The following MIGA2 variants were observed in gnomAD, a reference collection of about 807,000 sequenced individuals.
MIGA2 encodes mitoguardin 2, also known as family with sequence similarity 73, member B.
Under a neutral mutation model 69.9 loss-of-function variants are expected in MIGA2, and 36 were observed. The ratio of observed to expected loss-of-function variants is 0.52; its 90% CI spans 0.39 to 0.68. The LOEUF is 0.68. Among genes scored for constraint, MIGA2 ranks in the 30% least tolerant of loss-of-function variants. The probability of loss-of-function intolerance (pLI) is 0.00; values close to 1 mark genes in which losing one functional copy is unlikely to be tolerated. For synonymous variants in MIGA2, 333 were observed against 349.2 expected, an observed-to-expected ratio of 0.95 and a Z score of 0.52; for missense variants, 660 against 787.7, an observed-to-expected ratio of 0.84 and a Z score of 1.94.
chr9:129,047,171 C>T (rs1391752506), intron 3 of MIGA2: 1 of 151,502 alleles, frequency 6.6e-6, no homozygotes, highest in Non-Finnish European at 1.5e-5. Flanking sequence ...CCTCTGCCTC[C>T]CGGGTTCAAG....
Position 129,060,568 on chromosome 9 carries a change from C to A in MIGA2, c.812C>A (p.Pro271His). 6.2e-7 allele frequency: 1 copy of A among 1,601,792 alleles called. No homozygotes were observed. The highest frequency in any genetic ancestry group is 1.1e-5 in the South Asian group (1 of 88,872). The change falls in exon 8 of 16, where the codon CCC becomes CAC. Residue 271 changes from proline to histidine, a missense_variant. Pro to His is a moderately conservative substitution (Grantham distance 77, BLOSUM62 -2). Around this residue, in one of 3 missense-constraint regions of MIGA2, gnomAD observed 386 missense variants for 402.0 expected, o/e 0.96. Transcript: ENST00000684074. The surrounding 1 kb of genome is among the most constrained non-coding windows in gnomAD (Gnocchi z 4.8). ...LLDLERTLML[P>H]LTEGSLRLRA... ...TTCCCAGAGAGGACCCTCATGCTGC[C>A]CCTGACCGAGGGCTCGCTGCGGCTG...
chr9:129,049,887 G>A lies in MIGA2; in HGVS notation c.599G>A (p.Arg200Gln), dbSNP rs750316224. The A allele has an allele frequency of 3.5e-4, 570 of 1,613,764 alleles. No individual in the cohort carries two copies. The highest frequency in any genetic ancestry group is 4.5e-4 in the Non-Finnish European group (536 of 1,180,000). Residue 200 changes from arginine (R) to glutamine (Q), a missense_variant, in exon 6 of 16, where the codon CGG becomes CAG. Arg to Gln is a conservative substitution (Grantham distance 43, BLOSUM62 1). Around this residue, in one of 3 missense-constraint regions of MIGA2, gnomAD observed 386 missense variants for 402.0 expected, o/e 0.96. Transcript: ENST00000684074. ...GAGCAGGCACTAAGCGTGGGCCAGC[G>A]GGGGGACAGCGGCAGCACCCCCATG... The part of the protein sequence containing the change: ...KWEQALSVGQ[R>Q]GDSGSTPMPR...
chr9:129,062,293 G>A (rs998928464), intron 9 of MIGA2, among the ~76,000 whole-genome samples: 3 of 152,050 alleles, frequency 2.0e-5, no homozygotes, highest in Non-Finnish European at 2.9e-5. Context: ...CACTTTGGGA[G>A]GCCAAGGCGG....
intron 1 of MIGA2, among the ~76,000 whole-genome samples, chr9:129,039,175 TTGTGTGTGTGTGTG>T (rs61426484): frequency 1.6e-3 from 228 of 140,000 alleles, no homozygotes; most frequent in Non-Finnish European, 2.3e-3. Flanking sequence ...AGCTCTTTGT[TTGTGTGTGTGTGTG>T]TGTGTGTGTG....
Position 129,060,799 on chromosome 9 carries a change from T to A in MIGA2, c.894+149T>A. The A allele has an allele frequency of 1.9e-6, 1 of 532,082 alleles. No individual in the cohort carries two copies. The highest frequency in any genetic ancestry group is 4.6e-5 in the East Asian group (1 of 21,844). 33.0% of individuals were successfully genotyped at this position (532,082 alleles called of 1,614,324 possible). A position where few individuals can be genotyped will look rare whatever the true frequency, so the allele number is the denominator to read the frequency against. On this transcript the variant is annotated intron_variant, in intron 8 of 15. Coordinates refer to ENST00000684074, the MANE Select transcript of MIGA2 (RefSeq NM_001329990.2). The surrounding 1 kb of genome is among the most constrained non-coding windows in gnomAD (Gnocchi z 4.8). Reference sequence around the variant, plus strand: ...CTCCCACGGGCCTCCTCGAAGCTGTTGGGGATGGGGGGTGCTGAGAAATCG... The same window carrying A: ...CTCCCACGGGCCTCCTCGAAGCTGTAGGGGATGGGGGGTGCTGAGAAATCG...
In MIGA2 at chr9:129,053,994, G is replaced by A. The variant is rs1275469703; in HGVS notation, c.675+4031G>A. On this transcript the variant is annotated intron_variant, in intron 6 of 15. Transcript: ENST00000684074. ...GGAGTTCAAGGCTGCAGTGAGCTAT[G>A]ATTGTGCCACTGCACTCCAGCTTGG... is the stretch of plus-strand genomic sequence containing the variant. 2.0e-5 allele frequency among the ~76,000 whole-genome samples: 3 copies of A among 152,144 alleles called. No individual in the cohort carries two copies. The East Asian group carries it at 5.8e-4, about 29-fold the overall frequency.
In MIGA2 at chr9:129,061,793, G is replaced by A. The variant is rs567660805; in HGVS notation, c.1010+447G>A. ...CACACAGGGGGCACTGGTCCTAAGC[G>A]CAGTGTCTGGACACAGCTCCTCTGT... On this transcript the variant is annotated intron_variant, in intron 9 of 15. Coordinates refer to ENST00000684074, the MANE Select transcript of MIGA2 (RefSeq NM_001329990.2). This position sits in a 1 kb window ranked among gnomAD's most constrained non-coding sequence, Gnocchi z 5.0. Among the ~76,000 whole-genome samples the A allele has an allele frequency of 1.9e-4, 29 of 152,224 alleles. 1 individual carries two copies. The South Asian group carries it at 2.7e-3, about 14-fold the overall frequency.
At chr9:129,049,713 G>A (rs1845417276) in intron 5 of MIGA2, 114 bp from the exon 6 acceptor site, 1 of 1,537,306 alleles carries the variant, frequency 6.5e-7, no homozygotes, top group Non-Finnish European at 8.9e-7. Flanking sequence ...AGGCCACACG[G>A]TCCCACCCAG....
At chr9:129,052,738 G>A (rs1260382442) in intron 6 of MIGA2, among the ~76,000 whole-genome samples, 1 of 152,174 alleles carries the variant, frequency 6.6e-6, no homozygotes, top group Non-Finnish European at 1.5e-5. Flanking sequence ...CAAGGGGAGG[G>A]CTGTGTCTGG....
chr9:129,070,307 C>T lies in MIGA2; in HGVS notation c.1636C>T (p.Leu546=), dbSNP rs757745328. The T allele has an allele frequency of 2.5e-6, 4 of 1,613,180 alleles. No individual in the cohort carries two copies. The highest frequency in any genetic ancestry group is 3.4e-6 in the Non-Finnish European group (4 of 1,180,008). Residue 546 remains leucine (L), a synonymous_variant, in exon 16 of 16, where the codon CTG becomes TTG. Transcript: ENST00000684074. ...FDLDNVRYTS[L]PALADDILQL... is the part of the protein sequence containing the mutation. ...CCTGGACAATGTGCGCTACACGTCA[C>T]TGCCCGCGCTGGCAGACGACATCCT...
rs560417240 is a variant in MIGA2, at chr9:129,058,921, G to A, written c.676-233G>A. On this transcript the variant is annotated intron_variant, in intron 6 of 15. Coordinates refer to ENST00000684074, the MANE Select transcript of MIGA2 (RefSeq NM_001329990.2). ...GAGACAGTCTATGCTTTTTGGTGCCGTGTTTGAAATCTGGTGTGTGTTTAC... is the reference window on the plus strand; with the variant it reads ...GAGACAGTCTATGCTTTTTGGTGCCATGTTTGAAATCTGGTGTGTGTTTAC... Among the ~76,000 whole-genome samples the A allele has an allele frequency of 7.2e-5, 11 of 152,326 alleles. No homozygotes were observed. The South Asian group carries it at 8.3e-4, about 11-fold the overall frequency.
rs369623713 is a variant in MIGA2, at chr9:129,040,244, T to C, written c.-143-208T>C. Among the ~76,000 whole-genome samples the C allele has an allele frequency of 1.2e-4, 19 of 152,330 alleles. No homozygotes were observed. In the East Asian group the frequency reaches 3.1e-3, roughly 25 times the overall value. On this transcript the variant is annotated intron_variant, in intron 1 of 15. Coordinates refer to ENST00000684074, the MANE Select transcript of MIGA2 (RefSeq NM_001329990.2). ...GCTGGCTGGCCAGAGATGTTTCCGC[T>C]CGCAGGGCCCCTGGTAGGCAGAGGG...
intron 6 of MIGA2, among the ~76,000 whole-genome samples, chr9:129,050,703 C>T (rs1447751752): frequency 2.6e-5 from 4 of 151,104 alleles, no homozygotes; most frequent in Non-Finnish European, 4.4e-5. Context: ...TCCTGAGTAG[C>T]TGGGATTACA....
At position 129,068,597 on chromosome 9, in the gene MIGA2, A is replaced by C; in HGVS notation, c.1404+265A>C. On this transcript the variant is annotated intron_variant, in intron 13 of 15. Coordinates refer to ENST00000684074, the MANE Select transcript of MIGA2 (RefSeq NM_001329990.2). This position sits in a 1 kb window ranked among gnomAD's most constrained non-coding sequence, Gnocchi z 4.1. ...TTACTTTTGTGCTGGTATGAATTCG[A>C]TTCCATTTTAATGCATCCTGTTAAA... 2.0e-6 allele frequency: 1 copy of C among 492,280 alleles called. No homozygotes were observed. The allele number at this position is 492,280 out of a possible 1,614,324, so 30.5% of individuals were successfully genotyped here.
Position 129,061,272 on chromosome 9 carries a change from C to G in MIGA2, c.936C>G (p.Leu312=), listed in dbSNP as rs1846054059. ...AGACTGGAGATTACCCGATCCCACT[C>G]TCCAGACCCGCCGCTGCCTATGAGG... ...SLQTGDYPIP[L]SRPAAAYEEA... The change falls in exon 9 of 16, where the codon CTC becomes CTG. Residue 312 remains leucine, a synonymous_variant. Coordinates refer to ENST00000684074, the MANE Select transcript of MIGA2 (RefSeq NM_001329990.2). This position sits in a 1 kb window ranked among gnomAD's most constrained non-coding sequence, Gnocchi z 5.0. 1 of 1,611,426 alleles carries G rather than the reference C, an allele frequency of 6.2e-7. No homozygotes were observed. The highest frequency in any genetic ancestry group is 8.5e-7 in the Non-Finnish European group (1 of 1,179,270).
rs1251507782 is a variant in MIGA2 at position 129,068,848 on chromosome 9, C to T, written c.1405-228C>T. On this transcript the variant is annotated intron_variant, in intron 13 of 15. Transcript: ENST00000684074. The surrounding 1 kb of genome is among the most constrained non-coding windows in gnomAD (Gnocchi z 4.1). ...TGTGCCCCTTTACAGAAGAGGAGAC[C>T]GAGGCTCAGAGAAGATCCAGCAGTA... 5 of 586,990 alleles carry T rather than the reference C, an allele frequency of 8.5e-6. No homozygotes were observed. Among genetic ancestry groups the T allele is most frequent in the South Asian group, 3.9e-5 (2 of 51,768 alleles). The allele number at this position is 586,990 out of a possible 1,614,324, so 36.4% of individuals were successfully genotyped here.
rs776522043 is a variant in MIGA2, at chr9:129,068,462, G to C, written c.1404+130G>C. Reference sequence around the variant, plus strand: ...CCACCCCCTAGATCCGCGGCTGCCAGGCCTGGGAGACCAGAGTCTGCCCTG... The same window carrying C: ...CCACCCCCTAGATCCGCGGCTGCCACGCCTGGGAGACCAGAGTCTGCCCTG... On this transcript the variant is annotated intron_variant, in intron 13 of 15. Coordinates refer to ENST00000684074, the MANE Select transcript of MIGA2 (RefSeq NM_001329990.2). This position sits in a 1 kb window ranked among gnomAD's most constrained non-coding sequence, Gnocchi z 4.1. 4 of 1,324,442 alleles carry C rather than the reference G, an allele frequency of 3.0e-6. No homozygotes were observed. The highest frequency in any genetic ancestry group is 1.3e-5 in the South Asian group (1 of 74,972). The allele number at this position is 1,324,442 out of a possible 1,614,324, so 82.0% of individuals were successfully genotyped here. A position where few individuals can be genotyped will look rare whatever the true frequency, so the allele number is the denominator to read the frequency against.
At chr9:129,048,260 G>A (rs1196730129) in intron 3 of MIGA2, among the ~76,000 whole-genome samples, 167 bp from the exon 4 acceptor site, 1 of 152,188 alleles carries the variant, frequency 6.6e-6, no homozygotes, top group Non-Finnish European at 1.5e-5. Flanking sequence ...AGGGCCCCGC[G>A]CTTTTCTCCT....
In MIGA2 at chr9:129,059,902, C is replaced by G. The variant is rs1845975253; in HGVS notation, c.793+631C>G. 6.6e-6 allele frequency among the ~76,000 whole-genome samples: 1 copy of G among 152,158 alleles called. No homozygotes were observed. The highest frequency in any genetic ancestry group is 2.4e-5 in the African/African-American group (1 of 41,446). ...GGAGTGGGTCGGCCGAGCCACGCAC[C>G]CTGCCCTGGCTTCTCCCCACGTGCT... On this transcript the variant is annotated intron_variant, in intron 7 of 15. Coordinates refer to ENST00000684074, the MANE Select transcript of MIGA2 (RefSeq NM_001329990.2). This position sits in a 1 kb window ranked among gnomAD's most constrained non-coding sequence, Gnocchi z 5.6.
Sources: allele counts gnomAD v4.1 joint callset (sites outside exome capture counted in the v4.1 genomes callset), GRCh38; gene constraint gnomAD v4.1.1; regional missense constraint gnomAD v4.1.1; non-coding constraint Gnocchi (gnomAD v3.1); transcripts MANE v1.5; gene names NCBI Gene and HGNC (gene_info 2026-07-23, HGNC 2026-07-21).